Variants in TUBGCP4 observed in about 807,000 individuals in gnomAD.
TUBGCP4 encodes the protein tubulin gamma complex component 4, also known as gamma-tubulin complex component 4.
A neutral mutation model predicts 91.6 loss-of-function variants in TUBGCP4; 54 were observed. That is an observed-to-expected ratio of 0.59 (90% CI 0.47 to 0.74). TUBGCP4 has a LOEUF of 0.74. TUBGCP4 is among the 30% of genes least tolerant of loss of function. The pLI is 0.00. For synonymous variants in TUBGCP4, 297 were observed against 302.8 expected, an observed-to-expected ratio of 0.98 and a Z score of 0.20; for missense variants, 593 against 800.9, an observed-to-expected ratio of 0.74 and a Z score of 3.13.
Position 43,371,572 on chromosome 15 carries a change from C to T in TUBGCP4, c.78+140C>T, listed in dbSNP as rs2044122821. The T allele has an allele frequency of 6.0e-6, 5 of 839,712 alleles. No homozygotes were observed. The South Asian group carries it at 7.7e-5, about 13-fold the overall frequency. 52.0% of individuals were successfully genotyped at this position (839,712 alleles called of 1,614,324 possible). A position where few individuals can be genotyped will look rare whatever the true frequency, so the allele number is the denominator to read the frequency against. ...TATCCCTGGACAGGTGACTGGAGGG[C>T]AGCCCCTTAGGGTCAAGGCTGATGC... is the stretch of plus-strand genomic sequence containing the variant. On this transcript the variant is annotated intron_variant, in intron 1 of 17. Transcript: ENST00000564079.
rs2045041044 is a variant in TUBGCP4, at chr15:43,409,547, C to T, written c.*4333C>T. The T allele has an allele frequency of 1.7e-6, 1 of 594,666 alleles. No individual in the cohort carries two copies. Among genetic ancestry groups the T allele is most frequent in the Admixed American group, 3.5e-5 (1 of 28,278 alleles). 36.8% of individuals were successfully genotyped at this position (594,666 alleles called of 1,614,324 possible). A position where few individuals can be genotyped will look rare whatever the true frequency, so the allele number is the denominator to read the frequency against. ...TCTCAGTTCCTGAAATCTCTGGCTA[C>T]TTTATCCAGGTTCCCCAACCCCTCC... is the stretch of plus-strand genomic sequence containing the variant. On this transcript the variant is annotated 3_prime_UTR_variant, in exon 18 of 18. Transcript: ENST00000564079.
chr15:43,384,842 C>T (rs1268153593), intron 7 of TUBGCP4, among the ~76,000 whole-genome samples: 2 of 151,956 alleles, frequency 1.3e-5, no homozygotes, highest in Non-Finnish European at 2.9e-5. Context: ...AGAGGCAGGT[C>T]GATCAGTTAA....
At chr15:43,383,572 T>G in intron 7 of TUBGCP4, 68 bp downstream of exon 7, 2 of 1,397,808 alleles carry the variant, frequency 1.4e-6, no homozygotes, top group Non-Finnish European at 9.6e-7. Flanking sequence ...ACAAATGATC[T>G]TCTGGTGATC....
rs563156287 is a variant in TUBGCP4 at position 43,398,345 on chromosome 15, A to G, written c.1418+166A>G. On this transcript the variant is annotated intron_variant, in intron 13 of 17. Coordinates refer to ENST00000564079, the MANE Select transcript of TUBGCP4 (RefSeq NM_014444.5). ...AGGATCCCTTAAGCCCAGGATTTCAAATCCATCCTGGGCAACATAGTAAGA... is the reference window on the plus strand; with the variant it reads ...AGGATCCCTTAAGCCCAGGATTTCAGATCCATCCTGGGCAACATAGTAAGA... 7.6e-5 allele frequency: 51 copies of G among 671,318 alleles called. No individual in the cohort carries two copies. In the African/African-American group the frequency reaches 8.5e-4, roughly 11 times the overall value. 41.6% of individuals were successfully genotyped at this position (671,318 alleles called of 1,614,324 possible).
intron 15 of TUBGCP4, chr15:43,402,720 A>G (rs2142888994): frequency 6.6e-6 from 1 of 152,334 alleles, no homozygotes; most frequent in African/African-American, 2.4e-5. Context: ...AGTGGGACCC[A>G]GGTACTAATT....
intron 14 of TUBGCP4, 35 bp from the exon 15 acceptor site, chr15:43,401,681 T>C (rs771477881): frequency 1.9e-6 from 3 of 1,611,046 alleles, no homozygotes; most frequent in South Asian, 1.1e-5. Context: ...GCTTAGAATA[T>C]GCAAAGTGCT....
chr15:43,401,682 G>A, intron 14 of TUBGCP4, 34 bp from the exon 15 acceptor site: 22 of 1,610,886 alleles, frequency 1.4e-5, no homozygotes, highest in Non-Finnish European at 1.9e-5. Context: ...CTTAGAATAT[G>A]CAAAGTGCTA....
chr15:43,395,609 A>C lies in TUBGCP4; in HGVS notation c.1092A>C (p.Gly364=). ...LKIIKDFYLL[G]RGELFQAFID... Reference sequence around the variant, plus strand: ...TCATTAAAGACTTTTACCTTCTGGGACGTGGAGAACTGTTTCAGGCCTTCA... The same window carrying C: ...TCATTAAAGACTTTTACCTTCTGGGCCGTGGAGAACTGTTTCAGGCCTTCA... The change falls in exon 11 of 18, where the codon GGA becomes GGC. Residue 364 remains glycine, a synonymous_variant. Coordinates refer to ENST00000564079, the MANE Select transcript of TUBGCP4 (RefSeq NM_014444.5). The C allele has an allele frequency of 6.2e-7, 1 of 1,614,106 alleles. No homozygotes were observed. The highest frequency in any genetic ancestry group is 8.5e-7 in the Non-Finnish European group (1 of 1,179,972).
chr15:43,394,928 A>G (rs2044556113), intron 9 of TUBGCP4, 179 bp from the exon 10 acceptor site: 4 of 659,350 alleles, frequency 6.1e-6, no homozygotes, highest in Non-Finnish European at 8.1e-6. Context: ...ACCCAGTCTA[A>G]GGTATTCTTT....
intron 17 of TUBGCP4, chr15:43,404,799 A>G (rs1459403839): frequency 1.4e-5 from 7 of 516,878 alleles, no homozygotes; most frequent in Middle Eastern, 5.2e-4. Flanking sequence ...TAGGTTATGT[A>G]TTGCTATGCT....
At position 43,409,046 on chromosome 15, in the gene TUBGCP4, G is replaced by A; in HGVS notation, c.*3832G>A. ...TGGCAAGGCACAGGAAGTACTTCCG[G>A]GTTCGACAATGCTGATCCGCAATTA... On this transcript the variant is annotated 3_prime_UTR_variant, in exon 18 of 18. Coordinates refer to ENST00000564079, the MANE Select transcript of TUBGCP4 (RefSeq NM_014444.5). 1 of 1,614,218 alleles carries A rather than the reference G, an allele frequency of 6.2e-7. No homozygotes were observed. Among genetic ancestry groups the A allele is most frequent in the Non-Finnish European group, 8.5e-7 (1 of 1,180,046 alleles).
chr15:43,398,960 C>G (rs542454835), intron 13 of TUBGCP4, among the ~76,000 whole-genome samples: 1 of 152,242 alleles, frequency 6.6e-6, no homozygotes, highest in East Asian at 1.9e-4. Context: ...ATTATCACAT[C>G]CAGTAAAATT....
rs1291757413 is a variant in TUBGCP4 at position 43,371,414 on chromosome 15, C to A, written c.60C>A (p.Asn20Lys). The change falls in exon 1 of 18, where the codon AAC becomes AAA. Residue 20 changes from asparagine to lysine, a missense_variant. Transcript: ENST00000564079. ...SGYPGSIFTW[N>K]KRSGLQVSQD... ...ACCCTGGGTCCATTTTCACCTGGAACAAGCGGAGTGGCCTGCAGGTACTGT... is the reference window on the plus strand; with the variant it reads ...ACCCTGGGTCCATTTTCACCTGGAAAAAGCGGAGTGGCCTGCAGGTACTGT... The A allele has an allele frequency of 1.2e-6, 2 of 1,614,130 alleles. No individual in the cohort carries two copies. Among genetic ancestry groups the A allele is most frequent in the Non-Finnish European group, 1.7e-6 (2 of 1,180,014 alleles).
Position 43,395,103 on chromosome 15 carries a change from A to C in TUBGCP4, c.1015-4A>C, listed in dbSNP as rs761263164. ...TGTCCCTGTTTTGTTGGTTGTTTTC[A>C]TAGCATCTCTGGAAGTTGATGGTAG... On this transcript the variant is annotated splice_polypyrimidine_tract_variant and splice_region_variant and intron_variant, in intron 9 of 17. Coordinates refer to ENST00000564079, the MANE Select transcript of TUBGCP4 (RefSeq NM_014444.5). The C allele has an allele frequency of 3.1e-6, 5 of 1,614,034 alleles. No homozygotes were observed. Among genetic ancestry groups the C allele is most frequent in the Non-Finnish European group, 4.2e-6 (5 of 1,180,026 alleles).
chr15:43,383,885 C>G (rs1387759118), intron 7 of TUBGCP4, among the ~76,000 whole-genome samples: 1 of 152,126 alleles, frequency 6.6e-6, no homozygotes, highest in Non-Finnish European at 1.5e-5. Flanking sequence ...ACTGCAGCCA[C>G]TGCCTCCCAG....
chr15:43,388,401 G>C (rs922118349), intron 9 of TUBGCP4, among the ~76,000 whole-genome samples: 17 of 152,190 alleles, frequency 1.1e-4, no homozygotes, highest in African/African-American at 3.6e-4. Context: ...ATCTTAAAAT[G>C]GCTGTGAAGT....
At chr15:43,387,161 ACACTCAG>A (rs2044388862) in intron 9 of TUBGCP4, among the ~76,000 whole-genome samples, 1 of 152,236 alleles carries the variant, frequency 6.6e-6, no homozygotes, top group Admixed American at 6.5e-5. Flanking sequence ...AATGAAGCAA[ACACTCAG>A]CAAGCTGACT....
intron 9 of TUBGCP4, among the ~76,000 whole-genome samples, chr15:43,391,233 T>C (rs901599105): frequency 2.0e-5 from 3 of 151,940 alleles, no homozygotes; most frequent in African/African-American, 7.3e-5. Context: ...AGGGTCTTGT[T>C]CTATCTCCCA....
chr15:43,379,776 T>A (rs1470175118), intron 5 of TUBGCP4, among the ~76,000 whole-genome samples: 1 of 152,188 alleles, frequency 6.6e-6, no homozygotes, highest in Non-Finnish European at 1.5e-5. Flanking sequence ...GTTCCAACTC[T>A]AAATGATTCT....
Sources: allele counts gnomAD v4.1 joint callset (sites outside exome capture counted in the v4.1 genomes callset), GRCh38; gene constraint gnomAD v4.1.1; transcripts MANE v1.5; gene names NCBI Gene and HGNC (gene_info 2026-07-23, HGNC 2026-07-21).